The following ABHD12 variants were observed in gnomAD, a reference collection of about 807,000 sequenced individuals.
ABHD12 encodes the protein lysophosphatidylserine lipase ABHD12.
In ABHD12, 43 loss-of-function variants were observed where a neutral mutation model predicts 58.3. The observed-to-expected ratio is 0.74, with a 90% CI of 0.58 to 0.95. The LOEUF (loss-of-function observed/expected upper bound fraction) is 0.95. Ranked by LOEUF, ABHD12 falls within the 40% of genes least tolerant of loss-of-function variation. The pLI, the probability that ABHD12 is intolerant of heterozygous loss-of-function variation, is 0.00. For missense variants in ABHD12, 539 were observed against 537.2 expected (o/e 1.00, Z -0.03); for synonymous variants, 219 against 211.2 (o/e 1.04, Z -0.32).
At chr20:25,374,702 G>A (rs2089940885) in intron 1 of ABHD12, among the ~76,000 whole-genome samples, 1 of 152,132 alleles carries the variant, frequency 6.6e-6, no homozygotes, top group African/African-American at 2.4e-5. Context: ...GTTTCTCCAT[G>A]TTGGTCAGGC....
downstream of ABHD12, among the ~76,000 whole-genome samples, chr20:25,295,404 A>G (rs370112066): frequency 8.5e-5 from 13 of 152,390 alleles, no homozygotes; most frequent in East Asian, 1.4e-3. Flanking sequence ...GTCCCAGGAC[A>G]TAAGTGTTGC....
chr20:25,387,525 A>C (rs1447435947), intron 1 of ABHD12, among the ~76,000 whole-genome samples: 7 of 145,108 alleles, frequency 4.8e-5, no homozygotes, highest in African/African-American at 1.8e-4. Context: ...GCCAGGAAGA[A>C]GGATCGCTTG....
At chr20:25,374,705 G>T (rs555112756) in intron 1 of ABHD12, among the ~76,000 whole-genome samples, 1 of 152,256 alleles carries the variant, frequency 6.6e-6, no homozygotes, top group East Asian at 1.9e-4. Context: ...TCTCCATGTT[G>T]GTCAGGCTGG....
chr20:25,316,024 C>T (rs970153536), intron 5 of ABHD12, among the ~76,000 whole-genome samples: 9 of 152,184 alleles, frequency 5.9e-5, no homozygotes, highest in Non-Finnish European at 1.3e-4. Context: ...CCTAGGCACC[C>T]CCTGCATGTG....
rs151047240 is a variant in ABHD12 at position 25,369,621 on chromosome 20, C to T, written c.191+20892G>A. Among the ~76,000 whole-genome samples, 210 of 152,264 alleles carry T rather than the reference C, an allele frequency of 1.4e-3. 1 individual carries two copies. The highest frequency in any genetic ancestry group is 4.7e-3 in the African/African-American group (196 of 41,548). The stretch of plus-strand genomic sequence containing the variant: ...GTCACTTCCATTCAGATTGTGAGAC[C>T]GCGTCTCAGTTCAAGAGGGTAAGAT... On this transcript the variant is annotated intron_variant, in intron 1 of 12. Coordinates refer to ENST00000339157, the MANE Select transcript of ABHD12 (RefSeq NM_001042472.3).
downstream of ABHD12, chr20:25,296,281 G>T: frequency 6.6e-7 from 1 of 1,514,910 alleles, no homozygotes; most frequent in East Asian, 2.3e-5. Context: ...GAGCTCATTT[G>T]GAAACAGTCC....
intron 1 of ABHD12, among the ~76,000 whole-genome samples, chr20:25,381,987 C>T (rs933240926): frequency 6.6e-6 from 1 of 152,118 alleles, no homozygotes; most frequent in African/African-American, 2.4e-5. Flanking sequence ...TTATAATCAT[C>T]ATGGGGCTAG....
chr20:25,315,697 G>A (rs1718826520), intron 5 of ABHD12, among the ~76,000 whole-genome samples: 1 of 152,170 alleles, frequency 6.6e-6, no homozygotes, highest in African/African-American at 2.4e-5. Context: ...GACCTCAGCA[G>A]GATGAATCAT....
Position 25,323,341 on chromosome 20 carries a change from C to T in ABHD12, c.406G>A (p.Val136Met), listed in dbSNP as rs774057670. The T allele has an allele frequency of 2.5e-5, 40 of 1,613,500 alleles. No individual in the cohort carries two copies. Among genetic ancestry groups the T allele is most frequent in the Admixed American group, 5.0e-5 (3 of 60,002 alleles). The change falls in exon 3 of 13, where the codon GTG (valine) becomes ATG (methionine). Residue 136 changes from valine to methionine, a missense_variant. Coordinates refer to ENST00000339157, the MANE Select transcript of ABHD12 (RefSeq NM_001042472.3). Reference protein sequence around the residue: ...CNYYLQPEEDVTIGVWHTVPA... With the variant: ...CNYYLQPEEDMTIGVWHTVPA... ...GGCACTCACCAGACTCCAATGGTCA[C>T]GTCTTCCTCTGGCTGCAGGTAGTAG...
At chr20:25,326,990 C>A (rs1229668097) in intron 2 of ABHD12, among the ~76,000 whole-genome samples, 1 of 152,196 alleles carries the variant, frequency 6.6e-6, no homozygotes, top group Non-Finnish European at 1.5e-5. Flanking sequence ...CTTTGCCATG[C>A]AAGCCGTGGA....
At chr20:25,328,296 T>C (rs950212482) in intron 2 of ABHD12, among the ~76,000 whole-genome samples, 1 of 152,146 alleles carries the variant, frequency 6.6e-6, no homozygotes, top group African/African-American at 2.4e-5. Flanking sequence ...CCACACACTT[T>C]GGGAGCCTGA....
At position 25,384,311 on chromosome 20, in the gene ABHD12, A is replaced by G. The variant is rs528831425; in HGVS notation, c.191+6202T>C. Among the ~76,000 whole-genome samples, 12 of 97,604 alleles carry G rather than the reference A, an allele frequency of 1.2e-4. No homozygotes were observed. The South Asian group carries it at 3.0e-3, about 25-fold the overall frequency. 64.0% of individuals were successfully genotyped at this position (97,604 alleles called of 152,430 possible). On this transcript the variant is annotated intron_variant, in intron 1 of 12. Transcript: ENST00000339157. ...AATTATCTTTTGGCCCAGAATTTAA[A>G]AACAAAAAAAACTGGTTTGGGGTTT...
At chr20:25,365,841 G>A (rs1568763880) in intron 1 of ABHD12, among the ~76,000 whole-genome samples, 1 of 152,112 alleles carries the variant, frequency 6.6e-6, no homozygotes, top group Non-Finnish European at 1.5e-5. Context: ...TTGAGGCCAG[G>A]AGTTCAAGAC....
At chr20:25,371,116 G>C (rs1000658936) in intron 1 of ABHD12, among the ~76,000 whole-genome samples, 1 of 152,170 alleles carries the variant, frequency 6.6e-6, no homozygotes, top group Non-Finnish European at 1.5e-5. Context: ...GAACGAGAGT[G>C]ATCAGCTAAT....
intron 1 of ABHD12, among the ~76,000 whole-genome samples, chr20:25,345,044 T>C (rs2089500515): frequency 6.7e-6 from 1 of 149,580 alleles, no homozygotes; most frequent in African/African-American, 2.4e-5. Context: ...TCCTAGGAGA[T>C]AACAGAGAAA....
At chr20:25,296,858 A>G, downstream of ABHD12, 1 of 292,034 alleles carries the variant, frequency 3.4e-6, no homozygotes, top group Non-Finnish European at 6.5e-6. Context: ...CTTGCTATGT[A>G]TTAGCCGATG....
Position 25,337,082 on chromosome 20 carries a change from C to A in ABHD12, c.316+2145G>T, listed in dbSNP as rs573670070. 6.6e-4 allele frequency among the ~76,000 whole-genome samples: 100 copies of A among 152,204 alleles called. 1 individual carries two copies. The highest frequency in any genetic ancestry group is 2.2e-3 in the African/African-American group (92 of 41,554). On this transcript the variant is annotated intron_variant, in intron 2 of 12. Transcript: ENST00000339157. ...TTTGAGGCCAGCCTGGGCAACATGGCAAAACCCCATCTCTACTAAAAATAT... is the reference window on the plus strand; with the variant it reads ...TTTGAGGCCAGCCTGGGCAACATGGAAAAACCCCATCTCTACTAAAAATAT...
At chr20:25,331,559 G>C (rs1239063108) in intron 2 of ABHD12, among the ~76,000 whole-genome samples, 1 of 152,002 alleles carries the variant, frequency 6.6e-6, no homozygotes, top group East Asian at 1.9e-4. Flanking sequence ...AAGAGAGAAA[G>C]GTCAGGTTAC....
At chr20:25,326,585 A>G (rs1267800753) in intron 2 of ABHD12, among the ~76,000 whole-genome samples, 9 of 152,348 alleles carry the variant, frequency 5.9e-5, no homozygotes, top group African/African-American at 2.2e-4. Flanking sequence ...CCAATTCTAG[A>G]AGCCTATGTA....
Sources: gnomAD v4.1 joint callset for allele counts (sites outside exome capture counted in the v4.1 genomes callset) on GRCh38, gnomAD v4.1.1 for gene constraint, MANE v1.5 for transcripts, NCBI Gene and HGNC (gene_info 2026-07-23, HGNC 2026-07-21) for gene names.